Variants in KIAA1328 observed in about 807,000 individuals in gnomAD.
KIAA1328 encodes the protein KIAA1328, also known as protein hinderin.
Under a neutral mutation model 68.1 loss-of-function variants are expected in KIAA1328, and 52 were observed. The ratio of observed to expected loss-of-function variants is 0.76; its 90% CI spans 0.61 to 0.96. KIAA1328 has a LOEUF of 0.96. Among genes scored for constraint, KIAA1328 ranks in the 40% least tolerant of loss-of-function variants. The pLI is 0.00. For synonymous variants in KIAA1328, 232 were observed against 239.4 expected (o/e 0.97, Z 0.28); for missense variants, 641 against 677.6 (o/e 0.95, Z 0.60).
At chr18:36,885,754 G>A (rs1171579897) in intron 5 of KIAA1328, 82 bp downstream of exon 5, 1 of 915,860 alleles carries the variant, frequency 1.1e-6, no homozygotes, top group Non-Finnish European at 1.7e-6. Context: ...TCTCGCTCTT[G>A]TCGCCTAGGC....
intron 6 of KIAA1328, among the ~76,000 whole-genome samples, chr18:37,042,118 G>A (rs1418721684): frequency 2.0e-5 from 3 of 151,908 alleles, no homozygotes; most frequent in Non-Finnish European, 2.9e-5. Flanking sequence ...GGCTGGTCTC[G>A]AACTTCTGGG....
intron 5 of KIAA1328, among the ~76,000 whole-genome samples, chr18:36,931,381 C>T (rs1208428821): frequency 6.6e-6 from 1 of 152,012 alleles, no homozygotes; most frequent in Non-Finnish European, 1.5e-5. Flanking sequence ...CTATTGTGAA[C>T]TGTACACGCG....
intron 7 of KIAA1328, among the ~76,000 whole-genome samples, chr18:37,097,242 A>T (rs990524058): frequency 1.3e-5 from 2 of 152,174 alleles, no homozygotes; most frequent in African/African-American, 2.4e-5. Context: ...TTTTGAATTA[A>T]TTTTTGTATA....
intron 6 of KIAA1328, among the ~76,000 whole-genome samples, chr18:36,993,265 A>G (rs1474642743): frequency 6.6e-6 from 1 of 152,218 alleles, no homozygotes; most frequent in Non-Finnish European, 1.5e-5. Flanking sequence ...CATTCTTTCA[A>G]GTATCTGTTT....
intron 7 of KIAA1328, among the ~76,000 whole-genome samples, chr18:37,149,604 C>T (rs960256871): frequency 1.3e-5 from 2 of 152,054 alleles, no homozygotes; most frequent in African/African-American, 4.8e-5. Context: ...GCAGTTGTAA[C>T]ACTATGGTAA....
At chr18:37,082,534 A>G (rs1344384815) in intron 7 of KIAA1328, among the ~76,000 whole-genome samples, 1 of 152,214 alleles carries the variant, frequency 6.6e-6, no homozygotes, top group Non-Finnish European at 1.5e-5. Flanking sequence ...GCTGTTGTTT[A>G]TAGTGCTCAG....
intron 6 of KIAA1328, among the ~76,000 whole-genome samples, chr18:37,042,675 C>T (rs1239420642): frequency 6.6e-6 from 1 of 152,010 alleles, no homozygotes; most frequent in Non-Finnish European, 1.5e-5. Context: ...TTCTCATTGT[C>T]TTAGCTTTAG....
intron 6 of KIAA1328, among the ~76,000 whole-genome samples, chr18:37,039,257 C>G (rs1167538864): frequency 6.6e-6 from 1 of 151,868 alleles, no homozygotes; most frequent in East Asian, 1.9e-4. Context: ...CCTCTATTTT[C>G]TGCAAATTTG....
At chr18:37,083,013 G>T (rs539577116) in intron 7 of KIAA1328, among the ~76,000 whole-genome samples, 1 of 152,224 alleles carries the variant, frequency 6.6e-6, no homozygotes, top group Non-Finnish European at 1.5e-5. Context: ...TATGTGCCTG[G>T]CCCAGCCCTC....
At chr18:36,881,491 A>G (rs1211097036) in intron 4 of KIAA1328, among the ~76,000 whole-genome samples, 1 of 152,172 alleles carries the variant, frequency 6.6e-6, no homozygotes, top group African/African-American at 2.4e-5. Flanking sequence ...GGAATAAAAT[A>G]TATAATTCCA....
chr18:37,061,402 G>C (rs1224142216), intron 6 of KIAA1328, among the ~76,000 whole-genome samples: 1 of 152,122 alleles, frequency 6.6e-6, no homozygotes, highest in African/African-American at 2.4e-5. Context: ...ACTTGATCTA[G>C]GTGATGGTTA....
intron 9 of KIAA1328, among the ~76,000 whole-genome samples, chr18:37,207,243 C>G (rs1012084935): frequency 2.6e-5 from 4 of 152,130 alleles, no homozygotes; most frequent in African/African-American, 4.8e-5. Flanking sequence ...CTAAAACTAG[C>G]CTTTTTTCCA....
chr18:36,877,425 G>A lies in KIAA1328; in HGVS notation c.333-8132G>A, dbSNP rs1030947356. ...ATTGATCCCTTTACCATTATGTAAT[G>A]CCGTTCTTCGTCTTTTTTGATCTTT... is the stretch of plus-strand genomic sequence containing the variant. On this transcript the variant is annotated intron_variant, in intron 4 of 9. Coordinates refer to ENST00000280020, the MANE Select transcript of KIAA1328 (RefSeq NM_020776.3). 4.0e-4 allele frequency among the ~76,000 whole-genome samples: 60 copies of A among 151,730 alleles called. 1 individual carries two copies. Among genetic ancestry groups the A allele is most frequent in the Admixed American group, 3.9e-3 (59 of 15,226 alleles).
At chr18:36,986,438 T>C (rs1201355625) in intron 6 of KIAA1328, among the ~76,000 whole-genome samples, 1 of 143,888 alleles carries the variant, frequency 6.9e-6, no homozygotes, top group Non-Finnish European at 1.5e-5. Context: ...GGACTTCATG[T>C]CCAAAACACC....
intron 4 of KIAA1328, among the ~76,000 whole-genome samples, chr18:36,876,762 G>T (rs1568110137): frequency 6.6e-6 from 1 of 152,074 alleles, no homozygotes; most frequent in Non-Finnish European, 1.5e-5. Flanking sequence ...TTTTAATTGT[G>T]ATGTTAAGAT....
intron 7 of KIAA1328, among the ~76,000 whole-genome samples, chr18:37,140,096 T>C (rs1226551256): frequency 6.6e-6 from 1 of 152,170 alleles, no homozygotes; most frequent in Non-Finnish European, 1.5e-5. Context: ...ATTAAAGGTA[T>C]TTAACTTTGC....
chr18:37,147,432 A>G (rs1337261984), intron 7 of KIAA1328, among the ~76,000 whole-genome samples: 4 of 152,120 alleles, frequency 2.6e-5, no homozygotes, highest in African/African-American at 4.8e-5. Context: ...TATGTATGAA[A>G]CATTATAGAT....
intron 7 of KIAA1328, among the ~76,000 whole-genome samples, chr18:37,085,683 T>C (rs891938497): frequency 6.6e-6 from 1 of 152,214 alleles, no homozygotes; most frequent in Non-Finnish European, 1.5e-5. Flanking sequence ...ACTTATGTAG[T>C]CATTAAGTAT....
chr18:37,143,035 A>G (rs932710445), intron 7 of KIAA1328, among the ~76,000 whole-genome samples: 1 of 150,914 alleles, frequency 6.6e-6, no homozygotes, highest in African/African-American at 2.4e-5. Context: ...GCTTACTGCA[A>G]CCTCCGCCTC....
Sources: allele counts gnomAD v4.1 joint callset (sites outside exome capture counted in the v4.1 genomes callset), GRCh38; gene constraint gnomAD v4.1.1; transcripts MANE v1.5; gene names NCBI Gene and HGNC (gene_info 2026-07-23, HGNC 2026-07-21).